Variants in NEDD4L observed in about 807,000 individuals in gnomAD.
NEDD4L encodes E3 ubiquitin-protein ligase NEDD4-like.
NEDD4L carries 54 observed loss-of-function variants against 148.9 expected under a neutral mutation model. That is an observed-to-expected ratio of 0.36 (90% CI 0.29 to 0.45). The LOEUF (loss-of-function observed/expected upper bound fraction) is 0.45, where lower values mean the gene tolerates loss of function less well. NEDD4L is among the 20% of genes least tolerant of loss of function. The pLI is 1.00. For missense variants in NEDD4L, 856 were observed against 1,233.8 expected (o/e 0.69, Z 4.59); for synonymous variants, 433 against 440.7 (o/e 0.98, Z 0.22).
chr18:58,330,961 G>T, intron 11 of NEDD4L, 47 bp downstream of exon 11: 1 of 1,581,142 alleles, frequency 6.3e-7, no homozygotes, highest in African/African-American at 1.3e-5. Flanking sequence ...ATGTTTTATT[G>T]TTTTTTGTTG....
intron 2 of NEDD4L, among the ~76,000 whole-genome samples, chr18:58,241,314 G>A (rs189921480): frequency 1.4e-4 from 22 of 152,324 alleles, no homozygotes; most frequent in Admixed American, 7.2e-4. Context: ...AGGAATGGCC[G>A]ACTCCTTGTG....
intron 1 of NEDD4L, among the ~76,000 whole-genome samples, chr18:58,086,289 C>T (rs981351005): frequency 9.9e-5 from 15 of 151,996 alleles, no homozygotes; most frequent in Admixed American, 2.0e-4. Flanking sequence ...GAAAATAAGA[C>T]GAGATTTTCA....
At chr18:58,189,232 C>T (rs963311416) in intron 2 of NEDD4L, among the ~76,000 whole-genome samples, 2 of 152,188 alleles carry the variant, frequency 1.3e-5, no homozygotes, top group African/African-American at 4.8e-5. Flanking sequence ...AAGGCAGCAA[C>T]AGGATCTTTT....
intron 1 of NEDD4L, among the ~76,000 whole-genome samples, chr18:58,059,662 G>T (rs569517311): frequency 2.0e-5 from 3 of 152,280 alleles, no homozygotes; most frequent in Admixed American, 6.5e-5. Flanking sequence ...ACTTGGCTAG[G>T]TGTTGATGTA....
At chr18:58,227,815 A>G in intron 2 of NEDD4L, 3 of 929,662 alleles carry the variant, frequency 3.2e-6, no homozygotes, top group Non-Finnish European at 3.8e-6. Context: ...AGAGCAGATT[A>G]TCCTTCTCTT....
intron 18 of NEDD4L, among the ~76,000 whole-genome samples, chr18:58,355,534 A>G (rs1049401002): frequency 2.0e-5 from 3 of 152,314 alleles, no homozygotes; most frequent in East Asian, 3.9e-4. Context: ...CTTTGATGAC[A>G]ATATCCATTG....
chr18:58,054,649 T>A (rs2082017537), intron 1 of NEDD4L: 1 of 153,506 alleles, frequency 6.5e-6, no homozygotes, highest in Non-Finnish European at 1.5e-5. Flanking sequence ...ATTCTCCTCC[T>A]TGCTCTCATT....
chr18:58,096,617 T>C (rs986739857), intron 1 of NEDD4L, among the ~76,000 whole-genome samples: 6 of 152,072 alleles, frequency 3.9e-5, no homozygotes, highest in Non-Finnish European at 1.5e-5. Context: ...TTGGCCAGGC[T>C]GATCTTGACC....
chr18:58,339,120 A>G (rs1456659091), intron 13 of NEDD4L, among the ~76,000 whole-genome samples: 1 of 128,426 alleles, frequency 7.8e-6, no homozygotes, highest in Non-Finnish European at 1.6e-5. Context: ...GGGCGGGGCC[A>G]GGGGGAGTGG....
chr18:58,063,751 A>C, intron 1 of NEDD4L, among the ~76,000 whole-genome samples: 1 of 150,578 alleles, frequency 6.6e-6, no homozygotes, highest in East Asian at 2.0e-4. Flanking sequence ...TTTTTTGTAG[A>C]GACGGGGTTT....
At chr18:58,181,237 T>C (rs1401162718) in intron 2 of NEDD4L, among the ~76,000 whole-genome samples, 6 of 152,224 alleles carry the variant, frequency 3.9e-5, no homozygotes, top group Admixed American at 3.9e-4. Flanking sequence ...TGTAGAATTA[T>C]CCAAATAAAA....
chr18:58,193,705 T>G (rs1383648935), intron 2 of NEDD4L: 5 of 152,262 alleles, frequency 3.3e-5, no homozygotes, highest in Non-Finnish European at 7.3e-5. Context: ...AAGAGTGAAG[T>G]GGTTAGGAAC....
rs1346003892 is a variant in NEDD4L, at chr18:58,298,394, G to C, written c.298-17588G>C. ...TAGTAAAATATGCAGCAACAATATA[G>C]AAGACAATCCTGAATTTTCCACTGC... On this transcript the variant is annotated intron_variant, in intron 5 of 30. Coordinates refer to ENST00000400345, the MANE Select transcript of NEDD4L (RefSeq NM_001144967.3). 2.6e-5 allele frequency among the ~76,000 whole-genome samples: 4 copies of C among 152,162 alleles called. No homozygotes were observed. In the South Asian group the frequency reaches 8.3e-4, roughly 32 times the overall value.
intron 1 of NEDD4L, among the ~76,000 whole-genome samples, chr18:58,081,067 C>G (rs2083405202): frequency 6.6e-6 from 1 of 152,056 alleles, no homozygotes; most frequent in African/African-American, 2.4e-5. Context: ...CTGCTACTTT[C>G]AATGAATAAA....
intron 1 of NEDD4L, among the ~76,000 whole-genome samples, chr18:58,158,881 A>T (rs7232059): frequency 2.0e-5 from 3 of 151,892 alleles, no homozygotes; most frequent in African/African-American, 7.3e-5. Flanking sequence ...GCAACTGTGC[A>T]CACACCTTGC....
intron 9 of NEDD4L, 42 bp from the exon 10 acceptor site, chr18:58,328,953 A>G (rs746223960): frequency 5.0e-6 from 8 of 1,612,646 alleles, no homozygotes; most frequent in Non-Finnish European, 6.8e-6. Flanking sequence ...CCCGATCTCA[A>G]CCACTTCTCT....
At chr18:58,070,461 G>A (rs958509783) in intron 1 of NEDD4L, among the ~76,000 whole-genome samples, 1 of 151,946 alleles carries the variant, frequency 6.6e-6, no homozygotes, top group South Asian at 2.1e-4. Context: ...TGTAGAGATG[G>A]AGTCTCCCTA....
At chr18:58,128,537 A>G (rs926811663) in intron 1 of NEDD4L, among the ~76,000 whole-genome samples, 2 of 152,178 alleles carry the variant, frequency 1.3e-5, no homozygotes, top group South Asian at 2.1e-4. Context: ...TAGCATAAAC[A>G]GTGCAACGTA....
intron 5 of NEDD4L, among the ~76,000 whole-genome samples, chr18:58,295,891 G>T (rs2055490484): frequency 6.6e-6 from 1 of 151,872 alleles, no homozygotes; most frequent in East Asian, 1.9e-4. Context: ...GGTGGTTAGG[G>T]GCGACAGTTG....
Sources: allele counts gnomAD v4.1 joint callset (sites outside exome capture counted in the v4.1 genomes callset), GRCh38; gene constraint gnomAD v4.1.1; transcripts MANE v1.5; gene names NCBI Gene and HGNC (gene_info 2026-07-23, HGNC 2026-07-21).